Variants in NBEA observed in about 807,000 individuals in gnomAD.
NBEA encodes the protein lysosomal-trafficking regulator 2.
NBEA carries 44 observed loss-of-function variants against 343.4 expected under a neutral mutation model. That is an observed-to-expected ratio of 0.13 (90% CI 0.10 to 0.16). NBEA has a LOEUF of 0.16. Among genes scored for constraint, NBEA ranks in the 10% least tolerant of loss-of-function variants. The pLI, the probability that NBEA is intolerant of heterozygous loss-of-function variation, is 1.00. For missense variants in NBEA, 2,555 were observed against 3,631.3 expected (o/e 0.70, Z 7.62); for synonymous variants, 1,175 against 1,238.7 (o/e 0.95, Z 1.08).
rs988023061 is a variant in NBEA, at chr13:35,144,466, A to G, written c.2445+2089A>G. On this transcript the variant is annotated intron_variant, in intron 18 of 58. Coordinates refer to ENST00000379939, the MANE Select transcript of NBEA (RefSeq NM_001385012.1). Reference sequence around the variant, plus strand: ...TGCCATACTGGGTGCAGTTAGCCTTAGCTATCTTGGCTCTCATCCTGGCTT... The same window carrying G: ...TGCCATACTGGGTGCAGTTAGCCTTGGCTATCTTGGCTCTCATCCTGGCTT... Among the ~76,000 whole-genome samples, 12 of 152,132 alleles carry G rather than the reference A, an allele frequency of 7.9e-5. No individual in the cohort carries two copies. In the East Asian group the frequency reaches 2.3e-3, roughly 29 times the overall value.
chr13:35,361,780 A>G (rs1033720284), intron 38 of NBEA, among the ~76,000 whole-genome samples: 1 of 152,048 alleles, frequency 6.6e-6, no homozygotes, highest in African/African-American at 2.4e-5. Flanking sequence ...TACTTTTAAA[A>G]CTTAACAATG....
At chr13:35,029,439 G>A (rs1402530730) in intron 1 of NBEA, among the ~76,000 whole-genome samples, 1 of 151,454 alleles carries the variant, frequency 6.6e-6, no homozygotes, top group African/African-American at 2.4e-5. Flanking sequence ...CACATACAAA[G>A]GATTTTCTAT....
intron 1 of NBEA, among the ~76,000 whole-genome samples, chr13:34,967,970 A>G (rs1293565288): frequency 6.6e-6 from 1 of 152,116 alleles, no homozygotes; most frequent in Non-Finnish European, 1.5e-5. Flanking sequence ...TACCAGCCTG[A>G]AATAGGCTAC....
chr13:35,509,128 T>C (rs1004088312), intron 41 of NBEA, among the ~76,000 whole-genome samples: 9 of 152,336 alleles, frequency 5.9e-5, no homozygotes, highest in Admixed American at 5.9e-4. Flanking sequence ...GTCTGGCGTA[T>C]GCCTGCCTGA....
At chr13:35,358,363 A>T (rs935858380) in intron 38 of NBEA, among the ~76,000 whole-genome samples, 3 of 152,052 alleles carry the variant, frequency 2.0e-5, no homozygotes, top group Admixed American at 1.3e-4. Context: ...TGCAAAACAG[A>T]TATACTTTCT....
At position 35,103,730 on chromosome 13, in the gene NBEA, A is replaced by C. The variant is rs140832551; in HGVS notation, c.1680+5325A>C. Among the ~76,000 whole-genome samples, 33 of 151,960 alleles carry C rather than the reference A, an allele frequency of 2.2e-4. No homozygotes were observed. The East Asian group carries it at 6.0e-3, about 28-fold the overall frequency. On this transcript the variant is annotated intron_variant, in intron 11 of 58. Transcript: ENST00000379939. Reference sequence around the variant, plus strand: ...TCTTATTTAGTGGCATTACTATTCAACAAGTAGTTGAAACCAAAAAGTTAA... The same window carrying C: ...TCTTATTTAGTGGCATTACTATTCACCAAGTAGTTGAAACCAAAAAGTTAA...
At chr13:35,239,203 A>AT (rs1179005534) in intron 34 of NBEA, among the ~76,000 whole-genome samples, 1 of 152,080 alleles carries the variant, frequency 6.6e-6, no homozygotes, top group Non-Finnish European at 1.5e-5. Context: ...ATGAATGGAC[A>AT]TTTACAACAA....
intron 37 of NBEA, among the ~76,000 whole-genome samples, chr13:35,350,758 GTGTGTGTGTGTGTGTA>G (rs2040156200): frequency 7.4e-6 from 1 of 135,916 alleles, no homozygotes; most frequent in African/African-American, 2.9e-5. Context: ...GTGTGTGTGT[GTGTGTGTGTGTGTGTA>G]GTTTACACAA....
intron 38 of NBEA, among the ~76,000 whole-genome samples, chr13:35,397,047 T>G (rs774466391): frequency 1.3e-5 from 2 of 152,152 alleles, no homozygotes; most frequent in Non-Finnish European, 2.9e-5. Context: ...ACTACCATTG[T>G]TTTCCTCACA....
At chr13:34,975,324 G>A (rs1240653088) in intron 1 of NBEA, among the ~76,000 whole-genome samples, 5 of 152,170 alleles carry the variant, frequency 3.3e-5, no homozygotes, top group Non-Finnish European at 1.5e-5. Context: ...ACAGCCAGCT[G>A]ATCTTCGACA....
intron 48 of NBEA, among the ~76,000 whole-genome samples, chr13:35,619,119 T>TACC (rs2082866887): frequency 6.6e-6 from 1 of 151,546 alleles, no homozygotes; most frequent in Non-Finnish European, 1.5e-5. Flanking sequence ...TGGGGTATAA[T>TACC]CTACTTTTAA....
intron 33 of NBEA, among the ~76,000 whole-genome samples, 170 bp from the exon 34 acceptor site, chr13:35,232,322 A>G (rs1010715405): frequency 3.3e-5 from 5 of 152,146 alleles, no homozygotes; most frequent in African/African-American, 1.2e-4. Flanking sequence ...CAGTAGCCTT[A>G]TGACTGTTTG....
chr13:35,653,579 C>CG (rs1476940771), intron 53 of NBEA, among the ~76,000 whole-genome samples: 1 of 152,062 alleles, frequency 6.6e-6, no homozygotes, highest in African/African-American at 2.4e-5. Flanking sequence ...GATCTGCCTG[C>CG]CTGGCCCTCC....
chr13:35,137,148 T>C (rs1398843519), intron 17 of NBEA, among the ~76,000 whole-genome samples: 1 of 152,178 alleles, frequency 6.6e-6, no homozygotes, highest in Non-Finnish European at 1.5e-5. Flanking sequence ...ATAGAGATTT[T>C]TAATTAGAAA....
chr13:35,176,850 A>G (rs1241609138), intron 27 of NBEA, 146 bp from the exon 28 acceptor site: 2 of 551,490 alleles, frequency 3.6e-6, no homozygotes, highest in African/African-American at 3.8e-5. Context: ...GAAAATATGC[A>G]TTGTAATAGA....
At chr13:35,295,703 A>G (rs936433175) in intron 35 of NBEA, among the ~76,000 whole-genome samples, 3 of 152,144 alleles carry the variant, frequency 2.0e-5, no homozygotes, top group African/African-American at 7.2e-5. Flanking sequence ...TAATTGGGAA[A>G]TCTGTATTTA....
chr13:35,097,413 A>G (rs1402791055), intron 10 of NBEA, among the ~76,000 whole-genome samples: 1 of 151,950 alleles, frequency 6.6e-6, no homozygotes, highest in African/African-American at 2.4e-5. Flanking sequence ...GTAAATTGAT[A>G]CTATTTTAAT....
intron 34 of NBEA, among the ~76,000 whole-genome samples, chr13:35,245,318 A>G (rs1047079537): frequency 1.3e-5 from 2 of 152,156 alleles, no homozygotes; most frequent in Non-Finnish European, 2.9e-5. Flanking sequence ...GATGTGAGGT[A>G]GTATTCCATT....
In NBEA at chr13:35,196,096, A is replaced by G; in HGVS notation, c.5160A>G (p.Glu1720=). 3 of 1,613,682 alleles carry G rather than the reference A, an allele frequency of 1.9e-6. No individual in the cohort carries two copies. The highest frequency in any genetic ancestry group is 2.5e-6 in the Non-Finnish European group (3 of 1,179,736). ...AGAAATCACAAGAGAGCTTAACTGA[A>G]AATCCTAGTGAAACGTTGAAGCCTG... ...EVKKSQESLT[E]NPSETLKPAT... is the part of the protein sequence containing the mutation. Residue 1720 remains glutamate, a synonymous_variant, in exon 31 of 59, where the codon GAA becomes GAG. Transcript: ENST00000379939.
Sources: allele counts gnomAD v4.1 joint callset (sites outside exome capture counted in the v4.1 genomes callset), GRCh38; gene constraint gnomAD v4.1.1; transcripts MANE v1.5; gene names NCBI Gene and HGNC (gene_info 2026-07-23, HGNC 2026-07-21).